Variants in COL5A2 observed in about 807,000 individuals in gnomAD.
COL5A2 encodes collagen alpha-2(V) chain.
In COL5A2, 23 loss-of-function variants were observed where a neutral mutation model predicts 208.2. The ratio of observed to expected loss-of-function variants is 0.11; its 90% CI spans 0.08 to 0.16. COL5A2 has a LOEUF of 0.16. COL5A2 is among the 10% of genes least tolerant of loss of function. The pLI is 1.00. For missense variants in COL5A2, 1,590 were observed against 1,956.4 expected, an observed-to-expected ratio of 0.81 and a Z score of 3.53; for synonymous variants, 625 against 628.5, an observed-to-expected ratio of 0.99 and a Z score of 0.08.
At chr2:189,397,018 A>T in the COL5A2 span, among the ~76,000 whole-genome samples, 1 of 150,678 alleles carries the variant, frequency 6.6e-6, no homozygotes, top group East Asian at 2.0e-4. Flanking sequence ...AAGATAAATG[A>T]GATAATTATA....
At chr2:189,066,275 G>A in intron 23 of COL5A2, 115 bp downstream of exon 23, 2 of 972,936 alleles carry the variant, frequency 2.1e-6, no homozygotes, top group Non-Finnish European at 3.3e-6. Context: ...GTACTGAACT[G>A]TGCAGGGAAC....
intron 31 of COL5A2, among the ~76,000 whole-genome samples, chr2:189,059,788 T>C (rs6434315): frequency 0.71 from 106,764 of 150,404 alleles, 38,933 homozygotes; most frequent in Non-Finnish European, 0.81. Context: ...GTACAGACGG[T>C]TGGCCAGGCT....
At chr2:189,384,438 A>G in the COL5A2 span, among the ~76,000 whole-genome samples, 1 of 152,112 alleles carries the variant, frequency 6.6e-6, no homozygotes, top group Non-Finnish European at 1.5e-5. Context: ...TCTTTTTGAT[A>G]AAAGCCATTT....
the COL5A2 span, among the ~76,000 whole-genome samples, chr2:189,340,445 C>A: frequency 6.6e-6 from 1 of 152,298 alleles, no homozygotes; most frequent in South Asian, 2.1e-4. Context: ...GTATTGTTTA[C>A]AACTCCAAGG....
Position 189,099,979 on chromosome 2 carries a change from T to C in COL5A2, c.369+128A>G, listed in dbSNP as rs572401088. 3.1e-5 allele frequency: 23 copies of C among 748,994 alleles called. No homozygotes were observed. In the East Asian group the frequency reaches 3.6e-4, roughly 12 times the overall value. 46.4% of individuals were successfully genotyped at this position (748,994 alleles called of 1,614,324 possible). ...AATCTGTTCTGGTTTGCTTGTGTTATACTAAAAACTTGTTTTTAAAATAAC... is the reference window on the plus strand; with the variant it reads ...AATCTGTTCTGGTTTGCTTGTGTTACACTAAAAACTTGTTTTTAAAATAAC... On this transcript the variant is annotated intron_variant, in intron 4 of 53. Coordinates refer to ENST00000374866, the MANE Select transcript of COL5A2 (RefSeq NM_000393.5).
chr2:189,218,931 T>C (rs1028898474), intron 1 of COL5A2, among the ~76,000 whole-genome samples: 1 of 151,920 alleles, frequency 6.6e-6, no homozygotes, highest in African/African-American at 2.4e-5. Context: ...AAAACAGTAG[T>C]AAAAACCGGA....
At chr2:189,174,525 A>G (rs1559136807) in intron 1 of COL5A2, among the ~76,000 whole-genome samples, 2 of 152,066 alleles carry the variant, frequency 1.3e-5, no homozygotes, top group East Asian at 3.9e-4. Context: ...AAAAGCCAAC[A>G]GGTCCACAAC....
At chr2:189,187,525 G>T (rs192057571) in intron 1 of COL5A2, among the ~76,000 whole-genome samples, 10 of 152,184 alleles carry the variant, frequency 6.6e-5, no homozygotes, top group Admixed American at 3.9e-4. Context: ...CTACCTCATT[G>T]GTAATTGTTG....
At chr2:189,216,724 T>A (rs1206338208) in intron 1 of COL5A2, among the ~76,000 whole-genome samples, 1 of 152,130 alleles carries the variant, frequency 6.6e-6, no homozygotes, top group African/African-American at 2.4e-5. Context: ...GGGTAAATTA[T>A]CTAGGCTTTC....
chr2:189,237,065 A>C, the COL5A2 span, among the ~76,000 whole-genome samples: 3 of 151,752 alleles, frequency 2.0e-5, no homozygotes, highest in African/African-American at 7.2e-5. Context: ...AAGCCCGATA[A>C]TGCCAGGATC....
At chr2:189,250,516 T>G in the COL5A2 span, among the ~76,000 whole-genome samples, 1 of 152,108 alleles carries the variant, frequency 6.6e-6, no homozygotes, top group African/African-American at 2.4e-5. Context: ...TTCAATAGAG[T>G]GGCTAACATT....
At chr2:189,256,822 G>T in the COL5A2 span, among the ~76,000 whole-genome samples, 8 of 152,170 alleles carry the variant, frequency 5.3e-5, no homozygotes, top group Non-Finnish European at 1.0e-4. Flanking sequence ...TAGAGACAGG[G>T]TTTCACCATG....
chr2:189,089,624 C>T (rs1046474974), intron 7 of COL5A2, among the ~76,000 whole-genome samples: 1 of 152,256 alleles, frequency 6.6e-6, no homozygotes, highest in East Asian at 1.9e-4. Context: ...AGTCTTATGG[C>T]AACCCTGCAC....
chr2:189,329,267 A>G, the COL5A2 span, among the ~76,000 whole-genome samples: 1 of 152,238 alleles, frequency 6.6e-6, no homozygotes, highest in African/African-American at 2.4e-5. Context: ...ATGGAATCTA[A>G]GAATGTCTAA....
At chr2:189,329,889 A>G in the COL5A2 span, among the ~76,000 whole-genome samples, 1 of 152,128 alleles carries the variant, frequency 6.6e-6, no homozygotes, top group Non-Finnish European at 1.5e-5. Context: ...CAAAAACAGA[A>G]AAGCTACCAA....
chr2:189,185,669 A>G (rs1455185967), intron 1 of COL5A2, among the ~76,000 whole-genome samples: 1 of 152,106 alleles, frequency 6.6e-6, no homozygotes, highest in Admixed American at 6.5e-5. Flanking sequence ...GTAGACCTCT[A>G]TTAACATCAT....
intron 30 of COL5A2, 92 bp from the exon 31 acceptor site, chr2:189,060,875 C>T (rs955538157): frequency 1.2e-6 from 1 of 830,360 alleles, no homozygotes; most frequent in African/African-American, 1.7e-5. Flanking sequence ...TTCATGGGGT[C>T]TCCAAGACTA....
chr2:189,269,863 G>T, the COL5A2 span, among the ~76,000 whole-genome samples: 1 of 152,070 alleles, frequency 6.6e-6, no homozygotes, highest in African/African-American at 2.4e-5. Flanking sequence ...AATCCATCTG[G>T]TCCTGGGCTT....
At chr2:189,311,689 C>T in the COL5A2 span, 5 of 753,158 alleles carry the variant, frequency 6.6e-6, no homozygotes, top group African/African-American at 1.7e-5. Context: ...CAGCTCCAAC[C>T]TCAGTGGACT....
Sources: gnomAD v4.1 joint callset for allele counts (sites outside exome capture counted in the v4.1 genomes callset) on GRCh38, gnomAD v4.1.1 for gene constraint, MANE v1.5 for transcripts, NCBI Gene and HGNC (gene_info 2026-07-23, HGNC 2026-07-21) for gene names.